Variants in MEGF9 observed in about 807,000 individuals in gnomAD.
MEGF9 encodes multiple epidermal growth factor-like domains protein 9.
Under a neutral mutation model 46.8 loss-of-function variants are expected in MEGF9, and 6 were observed. The ratio of observed to expected loss-of-function variants is 0.13; its 90% confidence interval spans 0.07 to 0.25. The LOEUF is 0.25. Ranked by LOEUF, MEGF9 falls within the 10% of genes least tolerant of loss-of-function variation. The pLI, the probability that MEGF9 is intolerant of heterozygous loss-of-function variation, is 1.00. For missense variants in MEGF9, 683 were observed against 792.4 expected (o/e 0.86, Z 1.66); for synonymous variants, 302 against 330.7 (o/e 0.91, Z 0.94).
At chr9:120,626,171 T>G (rs1360183487) in intron 2 of MEGF9, among the ~76,000 whole-genome samples, 3 of 152,136 alleles carry the variant, frequency 2.0e-5, no homozygotes, top group African/African-American at 7.2e-5. Flanking sequence ...AGCTAACAAT[T>G]TAAGATAAAA....
At chr9:120,677,304 A>C (rs765835678) in intron 1 of MEGF9, among the ~76,000 whole-genome samples, 1 of 152,000 alleles carries the variant, frequency 6.6e-6, no homozygotes, top group South Asian at 2.1e-4. Context: ...AATTAAAAAA[A>C]AAATTTTTTT....
chr9:120,643,992 G>A (rs1283850350), intron 2 of MEGF9, among the ~76,000 whole-genome samples: 1 of 152,168 alleles, frequency 6.6e-6, no homozygotes, highest in East Asian at 1.9e-4. Context: ...TGGGATAAGA[G>A]GTGTGAGGCA....
intron 2 of MEGF9, among the ~76,000 whole-genome samples, chr9:120,644,953 T>C (rs139577746): frequency 9.6e-4 from 146 of 152,350 alleles, no homozygotes; most frequent in African/African-American, 3.3e-3. Flanking sequence ...TGTAGTTCCT[T>C]TCTTCTTTAG....
At chr9:120,621,774 ATC>A (rs1356574581) in intron 3 of MEGF9, among the ~76,000 whole-genome samples, 3 of 152,140 alleles carry the variant, frequency 2.0e-5, no homozygotes, top group African/African-American at 7.2e-5. Context: ...CTCCCCTTTC[ATC>A]TGTTAGGCAG....
intron 2 of MEGF9, among the ~76,000 whole-genome samples, chr9:120,636,861 G>T (rs1227273279): frequency 6.7e-6 from 1 of 150,114 alleles, no homozygotes; most frequent in Non-Finnish European, 1.5e-5. Flanking sequence ...GGGGTGGGGG[G>T]GCCCCTCTGC....
chr9:120,649,937 C>G (rs1207432782), intron 2 of MEGF9, among the ~76,000 whole-genome samples: 1 of 152,084 alleles, frequency 6.6e-6, no homozygotes, highest in Non-Finnish European at 1.5e-5. Context: ...TAAAATGATG[C>G]ACCTTGTACT....
intron 2 of MEGF9, among the ~76,000 whole-genome samples, chr9:120,646,935 A>C (rs2043628605): frequency 6.6e-6 from 1 of 152,158 alleles, no homozygotes; most frequent in Non-Finnish European, 1.5e-5. Flanking sequence ...TTCTCACAAA[A>C]ATGAAATAAA....
chr9:120,687,782 TAAAA>T (rs74313276), intron 1 of MEGF9, among the ~76,000 whole-genome samples: 5 of 80,852 alleles, frequency 6.2e-5, no homozygotes, highest in African/African-American at 2.1e-4. Context: ...GAAAAAGAGA[TAAAA>T]AAAAAAAAAA....
chr9:120,693,142 A>T (rs905421221), intron 1 of MEGF9, among the ~76,000 whole-genome samples: 218 of 152,292 alleles, frequency 1.4e-3, no homozygotes, highest in African/African-American at 5.1e-3. Flanking sequence ...TGACAAAAGC[A>T]CACCCTTTTC....
intron 1 of MEGF9, among the ~76,000 whole-genome samples, chr9:120,702,008 T>A (rs4837791): frequency 0.96 from 145,850 of 151,880 alleles, 70,064 homozygotes; most frequent in East Asian, 1. Flanking sequence ...ACGCCACTGC[T>A]CTCCAGCCTA....
intron 1 of MEGF9, among the ~76,000 whole-genome samples, chr9:120,669,597 C>CTTTATATTTTTTTAAT: frequency 1.3e-5 from 2 of 149,816 alleles, no homozygotes; most frequent in African/African-American, 4.9e-5. Context: ...GCAATATAAG[C>CTTTATATTTTTTTAAT]AGATAAGAGG....
At chr9:120,645,820 T>A (rs1326932709) in intron 2 of MEGF9, among the ~76,000 whole-genome samples, 3 of 152,206 alleles carry the variant, frequency 2.0e-5, no homozygotes, top group Non-Finnish European at 4.4e-5. Context: ...GGATTTCTTT[T>A]CAGTAATGCA....
At chr9:120,643,288 G>A (rs972207236) in intron 2 of MEGF9, among the ~76,000 whole-genome samples, 11 of 152,042 alleles carry the variant, frequency 7.2e-5, no homozygotes, top group African/African-American at 2.7e-4. Flanking sequence ...AGGGAATAGA[G>A]AGGAAGACAA....
At chr9:120,688,130 AACACACACACACAC>A (rs34218836) in intron 1 of MEGF9, among the ~76,000 whole-genome samples, 277 of 142,626 alleles carry the variant, frequency 1.9e-3, no homozygotes, top group African/African-American at 6.6e-3. Flanking sequence ...TCCTCTCCGC[AACACACACACACAC>A]ACACACACAC....
At chr9:120,640,310 G>A (rs989264826) in intron 2 of MEGF9, among the ~76,000 whole-genome samples, 4 of 152,214 alleles carry the variant, frequency 2.6e-5, no homozygotes, top group East Asian at 1.9e-4. Context: ...CAGGGGATCC[G>A]CATGGCATGC....
At chr9:120,709,431 C>CA (rs1003763165) in intron 1 of MEGF9, among the ~76,000 whole-genome samples, 65 of 148,304 alleles carry the variant, frequency 4.4e-4, no homozygotes, top group Admixed American at 7.4e-4. Flanking sequence ...AAACAAAAAA[C>CA]AAAAAAAAAC....
intron 4 of MEGF9, among the ~76,000 whole-genome samples, chr9:120,612,104 G>C (rs1238310372): frequency 6.6e-6 from 1 of 152,066 alleles, no homozygotes; most frequent in Non-Finnish European, 1.5e-5. Flanking sequence ...ACATTATTCG[G>C]TATCTAGGAG....
chr9:120,673,962 TCC>T (rs1351073769), intron 1 of MEGF9, among the ~76,000 whole-genome samples: 1 of 106,584 alleles, frequency 9.4e-6, no homozygotes, highest in African/African-American at 3.4e-5. Flanking sequence ...AGAGTGAGAC[TCC>T]GTCTCAAAAA....
chr9:120,650,439 C>A (rs1396297539), intron 2 of MEGF9, among the ~76,000 whole-genome samples: 1 of 152,072 alleles, frequency 6.6e-6, no homozygotes, highest in Non-Finnish European at 1.5e-5. Flanking sequence ...ATACTGTACA[C>A]CAACTCCTTC....
Sources: allele counts gnomAD v4.1 joint callset (sites outside exome capture counted in the v4.1 genomes callset), GRCh38; gene constraint gnomAD v4.1.1; transcripts MANE v1.5; gene names NCBI Gene and HGNC (gene_info 2026-07-23, HGNC 2026-07-21).